The following SLC4A10 variants were observed in gnomAD, a reference collection of about 807,000 sequenced individuals.
The protein encoded by SLC4A10 is sodium-driven chloride bicarbonate exchanger.
Under a neutral mutation model 137.7 loss-of-function variants are expected in SLC4A10, and 42 were observed. The observed-to-expected ratio is 0.30, with a 90% CI of 0.24 to 0.39. The LOEUF (loss-of-function observed/expected upper bound fraction) is 0.39, where lower values mean the gene tolerates loss of function less well. Among genes scored for constraint, SLC4A10 ranks in the 10% least tolerant of loss-of-function variants. SLC4A10 has a pLI of 1.00. For missense variants in SLC4A10, 925 were observed against 1,355.0 expected, an observed-to-expected ratio of 0.68 and a Z score of 4.98; for synonymous variants, 474 against 464.1, an observed-to-expected ratio of 1.02 and a Z score of -0.27.
At chr2:161,795,954 C>G (rs1018417274) in intron 2 of SLC4A10, among the ~76,000 whole-genome samples, 2 of 151,936 alleles carry the variant, frequency 1.3e-5, no homozygotes, top group African/African-American at 4.8e-5. Flanking sequence ...CAGCTTGTAC[C>G]TTTATGCAGG....
chr2:161,637,303 A>G (rs1455802102), intron 1 of SLC4A10, among the ~76,000 whole-genome samples: 3 of 151,646 alleles, frequency 2.0e-5, no homozygotes, highest in Non-Finnish European at 4.4e-5. Flanking sequence ...GGTTCAAGCA[A>G]TTCTCCTGCC....
intron 1 of SLC4A10, among the ~76,000 whole-genome samples, chr2:161,632,351 G>C (rs1220192872): frequency 1.3e-5 from 2 of 151,306 alleles, no homozygotes; most frequent in African/African-American, 4.8e-5. Context: ...GGTTTTCTGG[G>C]AATAAACCTC....
chr2:161,792,937 A>T (rs2054363721), intron 2 of SLC4A10, among the ~76,000 whole-genome samples: 4 of 152,114 alleles, frequency 2.6e-5, no homozygotes, highest in Non-Finnish European at 5.9e-5. Flanking sequence ...AAATACTGAT[A>T]ATAATGAATA....
intron 1 of SLC4A10, among the ~76,000 whole-genome samples, chr2:161,673,671 C>T (rs2039976415): frequency 6.6e-6 from 1 of 152,080 alleles, no homozygotes; most frequent in African/African-American, 2.4e-5. Context: ...AGTATTAATA[C>T]ATTTAAAAAA....
At chr2:161,632,358 C>A (rs530219392) in intron 1 of SLC4A10, among the ~76,000 whole-genome samples, 1 of 151,584 alleles carries the variant, frequency 6.6e-6, no homozygotes, top group South Asian at 2.1e-4. Context: ...TGGGAATAAA[C>A]CTCTCCAAAT....
intron 1 of SLC4A10, among the ~76,000 whole-genome samples, chr2:161,679,359 T>C (rs756380643): frequency 6.6e-6 from 1 of 152,114 alleles, no homozygotes; most frequent in Non-Finnish European, 1.5e-5. Flanking sequence ...TTACTAACAT[T>C]TGCTAAGTAC....
At chr2:161,642,081 C>CT (rs1364437941) in intron 1 of SLC4A10, among the ~76,000 whole-genome samples, 1 of 151,912 alleles carries the variant, frequency 6.6e-6, no homozygotes, top group Non-Finnish European at 1.5e-5. Flanking sequence ...TATTCCTAAC[C>CT]TTTCACCTCC....
At position 161,964,146 on chromosome 2, in the gene SLC4A10, G is replaced by A. The variant is rs1697189378; in HGVS notation, c.2874G>A (p.Arg958=). 6.2e-7 allele frequency: 1 copy of A among 1,608,196 alleles called. No individual in the cohort carries two copies. The highest frequency in any genetic ancestry group is 8.5e-7 in the Non-Finnish European group (1 of 1,176,930). ...SSLKGIQFFD[R]IKLFWMPAKH... is the part of the protein sequence containing the mutation. ...GTTTAATCTTTTAGTTCTTTGATAG[G>A]ATAAAGCTCTTCTGGATGCCGGCAA... Residue 958 remains arginine (R), a synonymous_variant, in exon 22 of 27, where the codon AGG becomes AGA. Transcript: ENST00000446997.
chr2:161,801,238 A>T (rs932381527), intron 2 of SLC4A10, among the ~76,000 whole-genome samples: 1 of 151,534 alleles, frequency 6.6e-6, no homozygotes, highest in African/African-American at 2.4e-5. Flanking sequence ...TTCTCATTTA[A>T]CTTTTCTACT....
intron 2 of SLC4A10, among the ~76,000 whole-genome samples, chr2:161,788,589 G>C (rs2053881984): frequency 6.6e-6 from 1 of 152,082 alleles, no homozygotes; most frequent in South Asian, 2.1e-4. Context: ...CAGGGCTCAT[G>C]ATCTTCAGCA....
At chr2:161,890,503 T>C (rs189179077) in intron 10 of SLC4A10, among the ~76,000 whole-genome samples, 2 of 152,340 alleles carry the variant, frequency 1.3e-5, no homozygotes, top group East Asian at 3.9e-4. Context: ...TTTAAGATAG[T>C]CAGCTCTTCT....
chr2:161,645,721 T>G (rs778536279), intron 1 of SLC4A10, among the ~76,000 whole-genome samples: 22 of 152,036 alleles, frequency 1.4e-4, no homozygotes, highest in Non-Finnish European at 2.9e-4. Flanking sequence ...CCCCAAAAAT[T>G]TAGTGTTGGC....
At chr2:161,742,857 T>C (rs2048056192) in intron 1 of SLC4A10, among the ~76,000 whole-genome samples, 1 of 152,230 alleles carries the variant, frequency 6.6e-6, no homozygotes, top group African/African-American at 2.4e-5. Flanking sequence ...ATTTGCATTT[T>C]TCTGATAATC....
chr2:161,644,367 G>A (rs955446748), intron 1 of SLC4A10, among the ~76,000 whole-genome samples: 1 of 152,042 alleles, frequency 6.6e-6, no homozygotes, highest in Non-Finnish European at 1.5e-5. Flanking sequence ...GTGGTGGTAC[G>A]TTGCTGTAGT....
At chr2:161,884,842 A>G (rs1003077217) in intron 10 of SLC4A10, among the ~76,000 whole-genome samples, 7 of 152,228 alleles carry the variant, frequency 4.6e-5, no homozygotes, top group Non-Finnish European at 8.8e-5. Context: ...AGCCTCGGTG[A>G]GGCAATTGTT....
At chr2:161,904,608 TG>T (rs1178510108) in intron 13 of SLC4A10, among the ~76,000 whole-genome samples, 167 bp from the exon 14 acceptor site, 2 of 152,230 alleles carry the variant, frequency 1.3e-5, no homozygotes, top group Non-Finnish European at 2.9e-5. Context: ...ATTTTCTTCT[TG>T]CTGTCAGCCC....
chr2:161,945,321 T>C (rs1220465401), intron 16 of SLC4A10, among the ~76,000 whole-genome samples: 1 of 150,162 alleles, frequency 6.7e-6, no homozygotes, highest in Non-Finnish European at 1.5e-5. Context: ...GCATTTGGTG[T>C]TTCAGTGCCT....
chr2:161,719,441 G>T (rs989734827), intron 1 of SLC4A10, among the ~76,000 whole-genome samples: 1 of 152,138 alleles, frequency 6.6e-6, no homozygotes, highest in Non-Finnish European at 1.5e-5. Flanking sequence ...TGGGTCAAAT[G>T]GTATTTCTAG....
intron 2 of SLC4A10, among the ~76,000 whole-genome samples, chr2:161,800,379 C>A (rs749083556): frequency 5.3e-5 from 8 of 151,958 alleles, no homozygotes; most frequent in Non-Finnish European, 1.2e-4. Context: ...TGTAAAATAT[C>A]TATTTATTCA....
Sources: allele counts gnomAD v4.1 joint callset (sites outside exome capture counted in the v4.1 genomes callset), GRCh38; gene constraint gnomAD v4.1.1; transcripts MANE v1.5; gene names NCBI Gene and HGNC (gene_info 2026-07-23, HGNC 2026-07-21).